CREB5: variants seen among roughly 807,000 people sequenced by gnomAD.
CREB5 encodes cyclic AMP-responsive element-binding protein 5.
A neutral mutation model predicts 57.1 loss-of-function variants in CREB5; 19 were observed. The ratio of observed to expected loss-of-function variants is 0.33; its 90% CI spans 0.23 to 0.49. The LOEUF (loss-of-function observed/expected upper bound fraction) is 0.49. Among genes scored for constraint, CREB5 ranks in the 20% least tolerant of loss-of-function variants. The probability of loss-of-function intolerance (pLI) is 0.99; values close to 1 mark genes in which losing one functional copy is unlikely to be tolerated. For synonymous variants in CREB5, 238 were observed against 238.3 expected (o/e 1.00, Z 0.01); for missense variants, 579 against 671.6 (o/e 0.86, Z 1.52).
At chr7:28,758,689 G>A (rs1805476838) in intron 7 of CREB5, among the ~76,000 whole-genome samples, 2 of 152,212 alleles carry the variant, frequency 1.3e-5, no homozygotes, top group Admixed American at 1.3e-4. Context: ...CAGGAAACGT[G>A]TGGTTCTTTA....
At chr7:28,329,802 T>A (rs1229033263) in intron 1 of CREB5, among the ~76,000 whole-genome samples, 1 of 152,262 alleles carries the variant, frequency 6.6e-6, no homozygotes, top group Non-Finnish European at 1.5e-5. Flanking sequence ...GCATGAATTC[T>A]CTGTTGTTAA....
At chr7:28,367,828 C>CAA (rs1786620386) in intron 1 of CREB5, among the ~76,000 whole-genome samples, 1 of 152,010 alleles carries the variant, frequency 6.6e-6, no homozygotes, top group Non-Finnish European at 1.5e-5. Flanking sequence ...AACAGACAAA[C>CAA]AAACAAACAA....
intron 5 of CREB5, among the ~76,000 whole-genome samples, chr7:28,705,288 G>A (rs1169521701): frequency 6.6e-6 from 1 of 151,244 alleles, no homozygotes; most frequent in African/African-American, 2.4e-5. Flanking sequence ...GCTTGAACCC[G>A]GGAAGCAGAG....
intron 1 of CREB5, among the ~76,000 whole-genome samples, chr7:28,406,540 T>C (rs955995608): frequency 2.0e-5 from 3 of 152,190 alleles, no homozygotes; most frequent in African/African-American, 7.2e-5. Flanking sequence ...TTGGTTCTGG[T>C]GTAAGCGCCC....
At chr7:28,526,778 C>T (rs1793466376) in intron 4 of CREB5, among the ~76,000 whole-genome samples, 1 of 152,184 alleles carries the variant, frequency 6.6e-6, no homozygotes, top group Admixed American at 6.5e-5. Context: ...TCCTGTCCTC[C>T]TGGGATAGGG....
intron 1 of CREB5, among the ~76,000 whole-genome samples, chr7:28,456,032 A>G (rs946591383): frequency 6.6e-6 from 1 of 152,212 alleles, no homozygotes; most frequent in African/African-American, 2.4e-5. Context: ...AGAGGGGACC[A>G]TCGCATTTTC....
intron 9 of CREB5, among the ~76,000 whole-genome samples, chr7:28,814,613 G>A (rs1485425242): frequency 1.3e-5 from 2 of 152,066 alleles, no homozygotes; most frequent in Non-Finnish European, 2.9e-5. Flanking sequence ...TGGATAATTG[G>A]GTAATTTGCT....
chr7:28,770,813 A>G (rs1363379356), intron 7 of CREB5, among the ~76,000 whole-genome samples: 1 of 152,230 alleles, frequency 6.6e-6, no homozygotes, highest in Non-Finnish European at 1.5e-5. Flanking sequence ...AGATGGTCAA[A>G]GGGTACAAAC....
intron 5 of CREB5, among the ~76,000 whole-genome samples, chr7:28,599,145 T>C (rs1485580258): frequency 1.3e-5 from 2 of 152,174 alleles, no homozygotes; most frequent in Non-Finnish European, 2.9e-5. Flanking sequence ...TAGGATGTGA[T>C]TGAAGTTCCA....
chr7:28,733,940 G>T (rs11771819), intron 7 of CREB5, among the ~76,000 whole-genome samples: 30,465 of 152,086 alleles, frequency 0.2, 3,237 homozygotes, highest in Admixed American at 0.32. Flanking sequence ...CCATTTAATC[G>T]TAATGATAGA....
chr7:28,465,562 G>T (rs1790528693), intron 1 of CREB5, among the ~76,000 whole-genome samples: 1 of 152,198 alleles, frequency 6.6e-6, no homozygotes, highest in South Asian at 2.1e-4. Flanking sequence ...GGATTTGGAG[G>T]TAGAGGGCCT....
At chr7:28,428,297 T>C (rs1445321069) in intron 1 of CREB5, among the ~76,000 whole-genome samples, 1 of 152,178 alleles carries the variant, frequency 6.6e-6, no homozygotes, top group Non-Finnish European at 1.5e-5. Flanking sequence ...TCTCTGGATA[T>C]TAATCTCAGC....
chr7:28,470,916 T>G (rs527604745), intron 1 of CREB5, among the ~76,000 whole-genome samples: 65 of 152,274 alleles, frequency 4.3e-4, no homozygotes, highest in African/African-American at 1.4e-3. Context: ...CCCAATTTTT[T>G]AATTGGATTA....
At chr7:28,680,940 A>G (rs1800558245) in intron 5 of CREB5, among the ~76,000 whole-genome samples, 1 of 152,174 alleles carries the variant, frequency 6.6e-6, no homozygotes, top group Admixed American at 6.5e-5. Flanking sequence ...CAACTGTGCA[A>G]GAAGTCCCAA....
intron 10 of CREB5, among the ~76,000 whole-genome samples, chr7:28,818,545 A>T (rs974275996): frequency 6.6e-5 from 10 of 152,330 alleles, no homozygotes; most frequent in African/African-American, 2.4e-4. Flanking sequence ...GCCTTGGGTG[A>T]ATCATATCCA....
At chr7:28,690,205 A>G (rs1040602593) in intron 5 of CREB5, among the ~76,000 whole-genome samples, 2 of 152,018 alleles carry the variant, frequency 1.3e-5, no homozygotes, top group African/African-American at 2.4e-5. Flanking sequence ...TTTGCCTTCC[A>G]CAGGGGTCCC....
chr7:28,701,298 A>G (rs1354165155), intron 5 of CREB5, among the ~76,000 whole-genome samples: 1 of 152,206 alleles, frequency 6.6e-6, no homozygotes. Context: ...CAGTGATTCT[A>G]ATGATTTAAA....
chr7:28,798,426 C>T (rs947959035), intron 7 of CREB5, among the ~76,000 whole-genome samples: 5 of 152,326 alleles, frequency 3.3e-5, no homozygotes, highest in East Asian at 1.9e-4. Context: ...CAAGCATGCA[C>T]GCTCGTGGCA....
At chr7:28,612,586 G>GTA (rs1554274976) in intron 5 of CREB5, among the ~76,000 whole-genome samples, 28 of 141,690 alleles carry the variant, frequency 2.0e-4, no homozygotes, top group Non-Finnish European at 3.3e-4. Context: ...GTGTGTGTGT[G>GTA]TGTAAGGATA....
Sources: allele counts gnomAD v4.1 joint callset (sites outside exome capture counted in the v4.1 genomes callset), GRCh38; gene constraint gnomAD v4.1.1; transcripts MANE v1.5; gene names NCBI Gene and HGNC (gene_info 2026-07-23, HGNC 2026-07-21).